TBC1D32: variants seen among roughly 807,000 people sequenced by gnomAD.
The protein encoded by TBC1D32 is TBC1 domain family member 32, also known as protein broad-minded.
In TBC1D32, 151 loss-of-function variants were observed where a neutral mutation model predicts 170.3. The ratio of observed to expected loss-of-function variants is 0.89; its 90% CI spans 0.78 to 1.01. The LOEUF is 1.01. Ranked by LOEUF, TBC1D32 falls within the 50% of genes least tolerant of loss-of-function variation. TBC1D32 has a pLI of 0.00. For synonymous variants in TBC1D32, 498 were observed against 488.0 expected (o/e 1.02, Z -0.27); for missense variants, 1,464 against 1,457.1 (o/e 1.00, Z -0.08).
chr6:121,300,056 T>C (rs982624104), intron 9 of TBC1D32, among the ~76,000 whole-genome samples: 1 of 152,148 alleles, frequency 6.6e-6, no homozygotes, highest in Non-Finnish European at 1.5e-5. Context: ...ATGCATAGCA[T>C]TGTACAAAGC....
intron 3 of TBC1D32, among the ~76,000 whole-genome samples, chr6:121,316,010 C>A (rs1439492411): frequency 6.6e-6 from 1 of 151,932 alleles, no homozygotes; most frequent in Admixed American, 6.6e-5. Flanking sequence ...TTATATATAC[C>A]CTGCGGACAT....
At chr6:121,169,263 C>T (rs1474540225) in intron 22 of TBC1D32, among the ~76,000 whole-genome samples, 2 of 151,988 alleles carry the variant, frequency 1.3e-5, no homozygotes. Context: ...GAAATAAGGC[C>T]AAACTTCTAC....
intron 30 of TBC1D32, among the ~76,000 whole-genome samples, chr6:121,099,061 T>C (rs1355928468): frequency 1.3e-5 from 2 of 152,028 alleles, no homozygotes; most frequent in African/African-American, 4.8e-5. Flanking sequence ...CAGTTTTCTA[T>C]AATCCTGCTT....
chr6:121,248,061 C>G (rs900492639), intron 17 of TBC1D32, among the ~76,000 whole-genome samples: 2 of 151,808 alleles, frequency 1.3e-5, no homozygotes, highest in Non-Finnish European at 2.9e-5. Flanking sequence ...ATAGACCACA[C>G]GATAAGCCAC....
At chr6:121,114,416 T>C (rs1250333336) in intron 27 of TBC1D32, among the ~76,000 whole-genome samples, 2 of 152,172 alleles carry the variant, frequency 1.3e-5, no homozygotes, top group African/African-American at 4.8e-5. Flanking sequence ...ACGAAGTCCA[T>C]TTCAGAATAG....
chr6:121,216,821 T>A (rs564468216), intron 21 of TBC1D32, among the ~76,000 whole-genome samples: 5 of 152,158 alleles, frequency 3.3e-5, no homozygotes, highest in Non-Finnish European at 7.3e-5. Flanking sequence ...ATTGCCCTGA[T>A]TGAGAGTTTT....
intron 10 of TBC1D32, among the ~76,000 whole-genome samples, chr6:121,296,128 C>A (rs953488274): frequency 6.6e-6 from 1 of 152,090 alleles, no homozygotes; most frequent in Non-Finnish European, 1.5e-5. Flanking sequence ...TAAGTTGCCA[C>A]AATTCAATGC....
chr6:121,260,925 T>C (rs4132315), intron 15 of TBC1D32, among the ~76,000 whole-genome samples: 14,287 of 152,240 alleles, frequency 0.094, 1,172 homozygotes, highest in African/African-American at 0.22. Context: ...CTCCAGGCCG[T>C]GCTTTTCCCT....
chr6:121,190,538 T>C (rs1053999728), intron 22 of TBC1D32, among the ~76,000 whole-genome samples: 1 of 151,998 alleles, frequency 6.6e-6, no homozygotes, highest in African/African-American at 2.4e-5. Context: ...AATCAGTGTC[T>C]CCTTTATGTT....
At chr6:121,091,177 T>C in intron 30 of TBC1D32, 136 bp from the exon 31 acceptor site, 3 of 727,884 alleles carry the variant, frequency 4.1e-6, no homozygotes, top group South Asian at 2.0e-5. Flanking sequence ...ACAGTCTTCA[T>C]AGATGCCTAA....
intron 24 of TBC1D32, among the ~76,000 whole-genome samples, chr6:121,159,655 A>G (rs1161221352): frequency 6.6e-6 from 1 of 152,138 alleles, no homozygotes; most frequent in Non-Finnish European, 1.5e-5. Flanking sequence ...CTCCTAGGCT[A>G]CAAGTCTATA....
At chr6:121,139,810 T>C (rs1408675524) in intron 24 of TBC1D32, 3 of 152,154 alleles carry the variant, frequency 2.0e-5, no homozygotes, top group Non-Finnish European at 4.4e-5. Flanking sequence ...ACACAGAATA[T>C]GGTATTCTTG....
chr6:121,279,259 A>G lies in TBC1D32; in HGVS notation c.1609-14T>C. 2 of 1,597,356 alleles carry G rather than the reference A, an allele frequency of 1.3e-6. No homozygotes were observed. The highest frequency in any genetic ancestry group is 3.7e-5 in the Admixed American group (2 of 54,496). ...ATTTGGAGATGCCTGTACATTAAAA[A>G]GAAAACAAGACAAATCACATAATTT... is the stretch of plus-strand genomic sequence containing the variant. On this transcript the variant is annotated splice_polypyrimidine_tract_variant and intron_variant, in intron 14 of 31. Transcript: ENST00000398212.
intron 29 of TBC1D32, among the ~76,000 whole-genome samples, chr6:121,108,136 A>G (rs1227521868): frequency 6.6e-6 from 1 of 152,096 alleles, no homozygotes; most frequent in African/African-American, 2.4e-5. Context: ...TCTTTTTGTC[A>G]TAAAGTAAGC....
chr6:121,266,832 G>A (rs1431462023), intron 15 of TBC1D32, among the ~76,000 whole-genome samples: 1 of 151,906 alleles, frequency 6.6e-6, no homozygotes, highest in African/African-American at 2.4e-5. Context: ...AATACCACAT[G>A]TTCTCACTCA....
Position 121,112,603 on chromosome 6 carries a change from T to A in TBC1D32, c.3226A>T (p.Ile1076Leu), listed in dbSNP as rs1562519286. ...GTTTTTTCTTTGTCTCCCAACATTA[T>A]CATGAACAGAGAAGATACAAACCAG... ...HDWFVSSLFM[I>L]MLGDKEKTFQ... The change falls in exon 29 of 32, where the codon ATA becomes TTA. Residue 1076 changes from isoleucine (I) to leucine (L), a missense_variant. This residue lies in a region of TBC1D32 where 1,363 missense variants were observed against 1,338.1 expected (regional missense o/e 1.02). Coordinates refer to ENST00000398212, the MANE Select transcript of TBC1D32 (RefSeq NM_152730.6). The A allele has an allele frequency of 2.5e-6, 4 of 1,610,038 alleles. No homozygotes were observed. In the Admixed American group the frequency reaches 6.7e-5, roughly 27 times the overall value.
intron 24 of TBC1D32, among the ~76,000 whole-genome samples, chr6:121,153,596 C>T (rs750415623): frequency 7.9e-5 from 12 of 152,090 alleles, no homozygotes; most frequent in South Asian, 6.2e-4. Context: ...CACCCACAAC[C>T]GCCCCTTCCC....
intron 17 of TBC1D32, among the ~76,000 whole-genome samples, 194 bp from the exon 18 acceptor site, chr6:121,242,533 T>C (rs1238170307): frequency 1.3e-5 from 2 of 152,070 alleles, no homozygotes; most frequent in African/African-American, 2.4e-5. Context: ...TATTCTTACA[T>C]TTTCTATACC....
At chr6:121,204,476 C>CTT (rs1791979634) in intron 22 of TBC1D32, among the ~76,000 whole-genome samples, 1 of 151,070 alleles carries the variant, frequency 6.6e-6, no homozygotes, top group Non-Finnish European at 1.5e-5. Flanking sequence ...AATTCACCTG[C>CTT]TTTTAAAGGT....
Sources: gnomAD v4.1 joint callset for allele counts (sites outside exome capture counted in the v4.1 genomes callset) on GRCh38, gnomAD v4.1.1 for gene constraint, gnomAD v4.1.1 regional missense constraint, MANE v1.5 for transcripts, NCBI Gene and HGNC (gene_info 2026-07-23, HGNC 2026-07-21) for gene names.